STK32B: variants seen among roughly 807,000 people sequenced by gnomAD.
The protein encoded by STK32B is serine/threonine kinase 32B.
A neutral mutation model predicts 52.6 loss-of-function variants in STK32B; 43 were observed. The ratio of observed to expected loss-of-function variants is 0.82; its 90% CI spans 0.64 to 1.05. STK32B has a LOEUF of 1.05. Ranked by LOEUF, STK32B falls within the 50% of genes least tolerant of loss-of-function variation. STK32B has a pLI of 0.00. For synonymous variants in STK32B, 238 were observed against 204.3 expected (o/e 1.17, Z -1.41); for missense variants, 621 against 534.6 (o/e 1.16, Z -1.59).
intron 3 of STK32B, among the ~76,000 whole-genome samples, chr4:5,264,279 C>T (rs1488888073): frequency 5.3e-5 from 8 of 152,156 alleles, no homozygotes; most frequent in Non-Finnish European, 8.8e-5. Flanking sequence ...GTTCTGGTTA[C>T]TCCATATCCT....
chr4:5,494,374 T>C (rs1261644675), intron 11 of STK32B, among the ~76,000 whole-genome samples: 1 of 151,398 alleles, frequency 6.6e-6, no homozygotes, highest in African/African-American at 2.5e-5. Context: ...TAAAGTCTGT[T>C]TTATCAGAGA....
At chr4:5,135,942 G>A (rs968003018) in intron 1 of STK32B, among the ~76,000 whole-genome samples, 1 of 152,212 alleles carries the variant, frequency 6.6e-6, no homozygotes, top group African/African-American at 2.4e-5. Context: ...TAGATCGGTA[G>A]TTCCCAAAGT....
chr4:5,161,222 A>AT (rs1718417976), intron 2 of STK32B, among the ~76,000 whole-genome samples: 1 of 152,152 alleles, frequency 6.6e-6, no homozygotes, highest in Admixed American at 6.5e-5. Context: ...CCAACTTTTG[A>AT]TCCCTCCAAT....
chr4:5,491,959 C>A (rs200477670), intron 11 of STK32B, among the ~76,000 whole-genome samples: 2 of 152,222 alleles, frequency 1.3e-5, no homozygotes, highest in East Asian at 3.9e-4. Flanking sequence ...GGTACCAGTA[C>A]CATGCTGTTT....
In STK32B at chr4:5,396,310, G is replaced by A. The variant is rs370790906; in HGVS notation, c.435-1897G>A. On this transcript the variant is annotated intron_variant, in intron 4 of 11. Transcript: ENST00000282908. This position sits in a 1 kb window ranked among gnomAD's most constrained non-coding sequence, Gnocchi z 4.7. The stretch of plus-strand genomic sequence containing the variant: ...CAGTATCTGCTTCCATCTCCCCATG[G>A]CCTTCTTCTCTCCTGTGCCTGCATC... Among the ~76,000 whole-genome samples, 5 of 152,048 alleles carry A rather than the reference G, an allele frequency of 3.3e-5. No homozygotes were observed. Among genetic ancestry groups the A allele is most frequent in the African/African-American group, 1.2e-4 (5 of 41,394 alleles).
rs777255527 is a variant in STK32B, at chr4:5,139,931, C to T, written c.79C>T (p.Arg27Trp). 44 of 1,613,934 alleles carry T rather than the reference C, an allele frequency of 2.7e-5. No homozygotes were observed. The highest frequency in any genetic ancestry group is 3.3e-5 in the South Asian group (3 of 91,074). The change falls in exon 2 of 12, where the codon CGG becomes TGG. Residue 27 changes from arginine to tryptophan, a missense_variant. Transcript: ENST00000282908. The stretch of plus-strand genomic sequence containing the variant: ...CAACTTTGACCATTTTCAGATTCTG[C>T]GGGCCATTGGTAAAGGGAGTTTTGG... ...EVNFDHFQIL[R>W]AIGKGSFGKV... is the part of the protein sequence containing the mutation.
At chr4:5,173,718 T>C (rs1719584242) in intron 3 of STK32B, among the ~76,000 whole-genome samples, 1 of 152,220 alleles carries the variant, frequency 6.6e-6, no homozygotes, top group East Asian at 1.9e-4. Context: ...AGTGCTTTAC[T>C]TCCAACTATG....
chr4:5,317,680 G>C (rs1270523944), intron 3 of STK32B, among the ~76,000 whole-genome samples: 1 of 149,660 alleles, frequency 6.7e-6, no homozygotes, highest in Non-Finnish European at 1.5e-5. Context: ...GGTCAGACAA[G>C]GTGCCATCTG....
intron 3 of STK32B, among the ~76,000 whole-genome samples, chr4:5,318,053 G>T (rs78619552): frequency 6.6e-6 from 1 of 152,052 alleles, no homozygotes. Flanking sequence ...AGAACCACTG[G>T]TAGAGAAAGT....
intron 2 of STK32B, among the ~76,000 whole-genome samples, chr4:5,152,344 T>G (rs1278748900): frequency 6.6e-6 from 1 of 152,182 alleles, no homozygotes; most frequent in Non-Finnish European, 1.5e-5. Flanking sequence ...TCCTTGTATT[T>G]TGCAACCTGG....
intron 3 of STK32B, among the ~76,000 whole-genome samples, chr4:5,304,772 A>AG (rs1030990321): frequency 8.5e-6 from 1 of 118,070 alleles, no homozygotes; most frequent in Non-Finnish European, 1.6e-5. Context: ...GTTATCGGGG[A>AG]GGGGGGGTGC....
intron 3 of STK32B, among the ~76,000 whole-genome samples, chr4:5,292,053 G>A (rs28479100): frequency 6.6e-6 from 1 of 152,080 alleles, no homozygotes; most frequent in African/African-American, 2.4e-5. Flanking sequence ...GCGATAGGCA[G>A]CAAGGTTGAT....
In STK32B at chr4:5,499,079, G is replaced by T; in HGVS notation, c.1241G>T (p.Ser414Ile). Residue 414 changes from serine (S) to isoleucine (I), a missense_variant, in exon 12 of 12, where the codon AGC becomes ATC. By Grantham distance (142) the Ser-to-Ile change is moderately radical. Transcript: ENST00000282908. ...CACACCTGCACCCGTGGCTGCAGCA[G>T]CTGAGCCCACACTTGTTGCTGCTCA... ...LTHTCTRGCS[S>I] is the part of the protein sequence containing the mutation. The T allele has an allele frequency of 6.2e-7, 1 of 1,609,052 alleles. No individual in the cohort carries two copies. Among genetic ancestry groups the T allele is most frequent in the African/African-American group, 1.3e-5 (1 of 74,802 alleles).
chr4:5,160,152 A>G (rs1316837471), intron 2 of STK32B, among the ~76,000 whole-genome samples: 4 of 152,180 alleles, frequency 2.6e-5, no homozygotes, highest in African/African-American at 4.8e-5. Context: ...GTTGACACAG[A>G]AAACTAACCA....
intron 4 of STK32B, among the ~76,000 whole-genome samples, chr4:5,388,375 C>G (rs1319115206): frequency 1.3e-5 from 2 of 152,146 alleles, no homozygotes; most frequent in Admixed American, 6.5e-5. Context: ...TGAGTAAGTC[C>G]TTGACATACA....
At chr4:5,438,361 C>T (rs1014783746) in intron 6 of STK32B, among the ~76,000 whole-genome samples, 2 of 152,212 alleles carry the variant, frequency 1.3e-5, no homozygotes, top group African/African-American at 4.8e-5. Flanking sequence ...TCATCCGATG[C>T]TTAATGAACA....
At chr4:5,143,775 T>A (rs1716692819) in intron 2 of STK32B, among the ~76,000 whole-genome samples, 1 of 74,286 alleles carries the variant, frequency 1.3e-5, no homozygotes, top group Non-Finnish European at 4.3e-5. Context: ...AGAAGGTGGA[T>A]CTTAGCAAAG....
At chr4:5,319,635 T>G (rs1421780005) in intron 3 of STK32B, among the ~76,000 whole-genome samples, 1 of 152,208 alleles carries the variant, frequency 6.6e-6, no homozygotes, top group Non-Finnish European at 1.5e-5. Context: ...ATGCTGTTCC[T>G]TATTTCTGGA....
chr4:5,208,744 T>C (rs1722727711), intron 3 of STK32B, among the ~76,000 whole-genome samples: 1 of 152,144 alleles, frequency 6.6e-6, no homozygotes, highest in Non-Finnish European at 1.5e-5. Flanking sequence ...TAGGGAAGAA[T>C]TCAATGATCG....
Sources: allele counts gnomAD v4.1 joint callset (sites outside exome capture counted in the v4.1 genomes callset), GRCh38; gene constraint gnomAD v4.1.1; non-coding constraint Gnocchi (gnomAD v3.1); transcripts MANE v1.5; gene names NCBI Gene and HGNC (gene_info 2026-07-23, HGNC 2026-07-21).